Variants in IDS observed in about 807,000 individuals in gnomAD.
IDS encodes iduronate 2-sulfatase, also known as alpha-L-iduronate sulfate sulfatase.
A neutral mutation model predicts 33.5 loss-of-function variants in IDS; 1 was observed. That is an observed-to-expected ratio of 0.03 (90% CI 0.01 to 0.14). IDS has a LOEUF of 0.14. IDS is among the 10% of genes least tolerant of loss of function. The probability of loss-of-function intolerance (pLI) is 1.00; values close to 1 mark genes in which losing one functional copy is unlikely to be tolerated. For missense variants in IDS, 328 were observed against 448.0 expected (o/e 0.73, Z 2.42); for synonymous variants, 191 against 184.4 (o/e 1.04, Z -0.29).
chrX:149,504,449 G>T (rs1557340453), intron 1 of IDS, among the ~76,000 whole-genome samples, 156 bp from the exon 2 acceptor site: 1 of 111,821 alleles, frequency 8.9e-6, no homozygotes, highest in East Asian at 2.8e-4. Flanking sequence ...GTGGGAGTGG[G>T]GCTCGAGGAG....
In IDS at chrX:149,487,460, A is replaced by G. The variant is rs146154857; in HGVS notation, c.1007-362T>C. ...CATGCTCATTCTTGACAGGCTGGGA[A>G]CCCTGAAAGCTGTAGTGTCACCACT... On this transcript the variant is annotated intron_variant, in intron 7 of 8. Transcript: ENST00000340855. 4.7e-3 allele frequency: 2,324 copies of G among 493,880 alleles called. 38 individuals are homozygous for G. The African/African-American group carries it at 0.048, about 10-fold the overall frequency. 40.7% of individuals were successfully genotyped at this position (493,880 alleles called of 1,213,427 possible).
Position 149,480,775 on chromosome X carries a change from C to T in IDS, c.*1971G>A, listed in dbSNP as rs782217576. 7.1e-4 allele frequency: 84 copies of T among 118,546 alleles called. No individual in the cohort carries two copies. Among genetic ancestry groups the T allele is most frequent in the Middle Eastern group, 4.1e-3 (1 of 246 alleles). The allele number at this position is 118,546 out of a possible 1,213,427, so 9.8% of individuals were successfully genotyped here. A position where few individuals can be genotyped will look rare whatever the true frequency, so the allele number is the denominator to read the frequency against. On this transcript the variant is annotated 3_prime_UTR_variant, in exon 9 of 9. Coordinates refer to ENST00000340855, the MANE Select transcript of IDS (RefSeq NM_000202.8). ...GATTACAGGTGTGAGCCACCGCATC[C>T]GACTTCTAACGCACTGGGTTTTAAC...
Position 149,482,784 on chromosome X carries a change from A to C in IDS, c.1615T>G (p.Ser539Ala), listed in dbSNP as rs2089303206. 1 of 1,210,348 alleles carries C rather than the reference A, an allele frequency of 8.3e-7. No homozygotes were observed. The highest frequency in any genetic ancestry group is 2.2e-5 in the Admixed American group (1 of 45,811). ...PLQDHNMYND[S>A]QGGDLFQLLM... Reference sequence around the variant, plus strand: ...AACTGGAAAAGATCTCCACCTTGGGAATCATTATACATATTGTGATCCTGC... The same window carrying C: ...AACTGGAAAAGATCTCCACCTTGGGCATCATTATACATATTGTGATCCTGC... The change falls in exon 9 of 9, where the codon TCC becomes GCC. Residue 539 changes from serine (S) to alanine (A), a missense_variant. Around this residue, in one of 4 missense-constraint regions of IDS, gnomAD observed 265 missense variants for 339.2 expected, o/e 0.78. Transcript: ENST00000340855.
At chrX:149,489,430 C>A (rs2089369897) in intron 7 of IDS, among the ~76,000 whole-genome samples, 1 of 112,228 alleles carries the variant, frequency 8.9e-6, no homozygotes, top group Non-Finnish European at 1.9e-5. Context: ...GATCCCTAAT[C>A]CATTGTCATC....
intron 6 of IDS, chrX:149,495,496 G>A (rs1217196084): frequency 8.6e-5 from 9 of 104,404 alleles, no homozygotes; most frequent in Non-Finnish European, 2.0e-5. Flanking sequence ...AGAAATGTCG[G>A]TTGTCAGGTC....
Position 149,482,314 on chromosome X carries a change from C to A in IDS, c.*432G>T, listed in dbSNP as rs1238265036. On this transcript the variant is annotated 3_prime_UTR_variant, in exon 9 of 9. Transcript: ENST00000340855. ...ATTATTAAATTATAAACAAAATAAT[C>A]AGGAACTTAGTGTGGTGCCTAGTTT... 4.7e-5 allele frequency: 6 copies of A among 128,088 alleles called. No homozygotes were observed. The highest frequency in any genetic ancestry group is 1.6e-4 in the Admixed American group (2 of 12,152). 10.6% of individuals were successfully genotyped at this position (128,088 alleles called of 1,213,427 possible). A position where few individuals can be genotyped will look rare whatever the true frequency, so the allele number is the denominator to read the frequency against.
intron 3 of IDS, chrX:149,502,890 A>G (rs1414797103): frequency 6.0e-5 from 20 of 333,433 alleles, no homozygotes; most frequent in Non-Finnish European, 1.1e-4. Context: ...CAGCCCCCTC[A>G]TTGGGCAATA....
At chrX:149,484,431 C>T (rs782322926) in intron 8 of IDS, among the ~76,000 whole-genome samples, 1 of 112,507 alleles carries the variant, frequency 8.9e-6, no homozygotes, top group African/African-American at 3.2e-5. Flanking sequence ...AAGTGATTCT[C>T]CTGCCTCAGC....
chrX:149,489,565 G>T (rs1392525357), intron 7 of IDS, among the ~76,000 whole-genome samples: 1 of 111,725 alleles, frequency 9.0e-6, no homozygotes, highest in African/African-American at 3.3e-5. Context: ...TTTCATATTT[G>T]ATGATATGAA....
At position 149,482,815 on chromosome X, in the gene IDS, G is replaced by A. The variant is rs2124648280; in HGVS notation, c.1584C>T (p.Asp528=). The stretch of plus-strand genomic sequence containing the variant: ...TATACATATTGTGATCCTGCAATGG[G>A]TCAGAATCCACAAAATACAGTTCCC... ...HAGELYFVDS[D]PLQDHNMYND... Residue 528 remains aspartate (D), a synonymous_variant, in exon 9 of 9, where the codon GAC becomes GAT. Transcript: ENST00000340855. The A allele has an allele frequency of 2.5e-6, 3 of 1,211,873 alleles. No individual in the cohort carries two copies. Among genetic ancestry groups the A allele is most frequent in the Non-Finnish European group, 3.3e-6 (3 of 895,561 alleles).
chrX:149,499,481 A>G (rs1557339702), intron 4 of IDS: 2 of 111,771 alleles, frequency 1.8e-5, no homozygotes, highest in African/African-American at 6.5e-5. Context: ...CTCTATTTAT[A>G]CCAAATGGAC....
rs782751103 is a variant in IDS, at chrX:149,502,163, G to A, written c.419-1126C>T. The A allele has an allele frequency of 1.3e-4, 44 of 329,546 alleles. No individual in the cohort carries two copies. In the Middle Eastern group the frequency reaches 2.6e-3, roughly 20 times the overall value. The allele number at this position is 329,546 out of a possible 1,213,427, so 27.2% of individuals were successfully genotyped here. A position where few individuals can be genotyped will look rare whatever the true frequency, so the allele number is the denominator to read the frequency against. On this transcript the variant is annotated intron_variant, in intron 3 of 8. Transcript: ENST00000340855. The stretch of plus-strand genomic sequence containing the variant: ...GAGAACAAAGATTCAGCTGAAAAAT[G>A]TGTTCCCACAAGGGCTGCAGGGAAA...
At chrX:149,500,157 C>A (rs1263029059) in intron 4 of IDS, among the ~76,000 whole-genome samples, 16 of 111,632 alleles carry the variant, frequency 1.4e-4, no homozygotes, top group African/African-American at 5.2e-4. Flanking sequence ...GCAGTTAGGG[C>A]AGGGACCTGG....
intron 6 of IDS, among the ~76,000 whole-genome samples, chrX:149,495,116 G>GCACACAGT (rs781886495): frequency 8.9e-6 from 1 of 111,978 alleles, no homozygotes; most frequent in Admixed American, 9.4e-5. Context: ...GCCCTTCCTG[G>GCACACAGT]CACACAGTCC....
At position 149,491,493 on chromosome X, in the gene IDS, G is replaced by A; in HGVS notation, c.880-1053C>T. The A allele has an allele frequency of 3.2e-6, 3 of 924,663 alleles. No individual in the cohort carries two copies. The South Asian group carries it at 6.8e-5, about 21-fold the overall frequency. 76.2% of individuals were successfully genotyped at this position (924,663 alleles called of 1,213,427 possible). On this transcript the variant is annotated intron_variant, in intron 6 of 8. Transcript: ENST00000340855. ...CCTGACTTATCAGCTGGACCCACCAGCTTCTTCTCATCACTGCCAGGGTGA... is the reference window on the plus strand; with the variant it reads ...CCTGACTTATCAGCTGGACCCACCAACTTCTTCTCATCACTGCCAGGGTGA...
At chrX:149,488,127 GTTCCT>G (rs1557338347) in intron 7 of IDS, among the ~76,000 whole-genome samples, 296 of 101,258 alleles carry the variant, frequency 2.9e-3, no homozygotes, top group African/African-American at 0.01. Context: ...CTGGTGAGCC[GTTCCT>G]CCCTCTGGCT....
intron 5 of IDS, among the ~76,000 whole-genome samples, chrX:149,497,748 C>T (rs1283778299): frequency 1.8e-5 from 2 of 111,896 alleles, no homozygotes; most frequent in Non-Finnish European, 1.9e-5. Context: ...TTTCACATTC[C>T]CTGGGGCTGT....
In IDS at chrX:149,486,970, G is replaced by A. The variant is rs782817492; in HGVS notation, c.1135C>T (p.Pro379Ser). 1 of 1,211,919 alleles carries A rather than the reference G, an allele frequency of 8.3e-7. No homozygotes were observed. The highest frequency in any genetic ancestry group is 1.1e-6 in the Non-Finnish European group (1 of 895,501). Reference protein sequence around the residue: ...SLPEAGEKLFPYLDPFDSASQ... With the variant: ...SLPEAGEKLFSYLDPFDSASQ... The stretch of plus-strand genomic sequence containing the variant: ...GCGGAATCAAAAGGGTCGAGGTAAG[G>A]GAAAAGCTTCTCGCCTGCCTCCGGA... Residue 379 changes from proline (P) to serine (S), a missense_variant, in exon 8 of 9, where the codon CCT (proline) becomes TCT (serine). Pro to Ser is a moderately conservative substitution (Grantham distance 74, BLOSUM62 -1). Coordinates refer to ENST00000340855, the MANE Select transcript of IDS (RefSeq NM_000202.8).
In IDS at chrX:149,496,565, C is replaced by T. The variant is rs1557339330; in HGVS notation, c.709-49G>A. The T allele has an allele frequency of 3.4e-6, 4 of 1,161,969 alleles. No homozygotes were observed. In the South Asian group the frequency reaches 5.4e-5, roughly 16 times the overall value. On this transcript the variant is annotated intron_variant, in intron 5 of 8. Coordinates refer to ENST00000340855, the MANE Select transcript of IDS (RefSeq NM_000202.8). ...AAAGTTGTCACTCTTTTAGCAAAAG[C>T]ACAAGCTTGTGGCTCTATCACTGTC...
Sources: gnomAD v4.1 joint callset for allele counts (sites outside exome capture counted in the v4.1 genomes callset) on GRCh38, gnomAD v4.1.1 for gene constraint, gnomAD v4.1.1 regional missense constraint, MANE v1.5 for transcripts, NCBI Gene and HGNC (gene_info 2026-07-23, HGNC 2026-07-21) for gene names.